CADPS: variants seen among roughly 807,000 people sequenced by gnomAD.
The protein encoded by CADPS is calcium dependent secretion activator, also known as calcium-dependent secretion activator 1.
A neutral mutation model predicts 167.3 loss-of-function variants in CADPS; 57 were observed. The ratio of observed to expected loss-of-function variants is 0.34; its 90% confidence interval spans 0.28 to 0.42. The LOEUF (loss-of-function observed/expected upper bound fraction) is 0.42, where lower values mean the gene tolerates loss of function less well. CADPS is among the 20% of genes least tolerant of loss of function. The probability of loss-of-function intolerance (pLI) is 1.00; values close to 1 mark genes in which losing one functional copy is unlikely to be tolerated. For synonymous variants in CADPS, 676 were observed against 635.3 expected (o/e 1.06, Z -0.96); for missense variants, 1,414 against 1,738.1 (o/e 0.81, Z 3.32).
chr3:62,445,712 G>GAAA lies in CADPS; in HGVS notation c.3669+50_3669+52dup, dbSNP rs369250660. 6.5e-3 allele frequency: 5,684 copies of GAAA among 874,670 alleles called. 5 individuals carry two copies. The highest frequency in any genetic ancestry group is 7.9e-3 in the South Asian group (339 of 42,782). The allele number at this position is 874,670 out of a possible 1,614,324, so 54.2% of individuals were successfully genotyped here. A position where few individuals can be genotyped will look rare whatever the true frequency, so the allele number is the denominator to read the frequency against. On this transcript the variant is annotated intron_variant, in intron 27 of 29. Coordinates refer to ENST00000383710, the MANE Select transcript of CADPS (RefSeq NM_003716.4). Reference sequence around the variant, plus strand: ...TCTCATGAAAACAAAAAGTAAAAATGAAAAAAAAAAAAAACAAAAAAACCC... The same window carrying GAAA: ...TCTCATGAAAACAAAAAGTAAAAATGAAAAAAAAAAAAAAAAACAAAAAAACCC...
At chr3:62,661,460 T>G (rs2073188635) in intron 4 of CADPS, among the ~76,000 whole-genome samples, 1 of 152,024 alleles carries the variant, frequency 6.6e-6, no homozygotes, top group Admixed American at 6.6e-5. Context: ...CCTGGTATAT[T>G]TGGAGGGAGA....
chr3:62,779,395 G>T, intron 1 of CADPS: 1 of 463,390 alleles, frequency 2.2e-6, no homozygotes, highest in Non-Finnish European at 4.2e-6. Flanking sequence ...TTTCAGGAGA[G>T]CTGCCTTTTG....
intron 9 of CADPS, among the ~76,000 whole-genome samples, chr3:62,561,955 G>A (rs1228516002): frequency 6.6e-6 from 1 of 152,212 alleles, no homozygotes; most frequent in Non-Finnish European, 1.5e-5. Context: ...TACGTAGGTA[G>A]TGTGTTTGGT....
intron 8 of CADPS, among the ~76,000 whole-genome samples, chr3:62,578,134 A>C (rs563805553): frequency 1.3e-5 from 2 of 151,638 alleles, no homozygotes; most frequent in African/African-American, 4.8e-5. Flanking sequence ...TTTTAAAGAC[A>C]CGAATAGGTT....
intron 6 of CADPS, among the ~76,000 whole-genome samples, chr3:62,596,363 T>C (rs1325410129): frequency 6.6e-6 from 1 of 151,764 alleles, no homozygotes; most frequent in African/African-American, 2.4e-5. Context: ...GCCCAGCTAA[T>C]TTTTTTGTAT....
At chr3:62,832,990 T>C (rs2075339658) in intron 1 of CADPS, among the ~76,000 whole-genome samples, 2 of 152,234 alleles carry the variant, frequency 1.3e-5, no homozygotes, top group South Asian at 4.1e-4. Context: ...CTCCTCTAGG[T>C]ATGGAATGTT....
At chr3:62,696,218 C>T (rs1457510305) in intron 3 of CADPS, among the ~76,000 whole-genome samples, 1 of 152,026 alleles carries the variant, frequency 6.6e-6, no homozygotes, top group African/African-American at 2.4e-5. Flanking sequence ...GCCAGCTGCT[C>T]CTTGCTGGGT....
At chr3:62,777,922 C>A (rs759600589) in intron 1 of CADPS, among the ~76,000 whole-genome samples, 1 of 152,142 alleles carries the variant, frequency 6.6e-6, no homozygotes, top group Non-Finnish European at 1.5e-5. Context: ...TCATGTCTTA[C>A]GGCAATATGA....
intron 3 of CADPS, among the ~76,000 whole-genome samples, chr3:62,686,319 T>C (rs1415914387): frequency 6.6e-6 from 1 of 151,974 alleles, no homozygotes; most frequent in Non-Finnish European, 1.5e-5. Flanking sequence ...AAACAACAAT[T>C]TAAAAACCCC....
intron 26 of CADPS, among the ~76,000 whole-genome samples, chr3:62,451,768 A>G (rs1043905419): frequency 6.6e-6 from 1 of 152,110 alleles, no homozygotes. Flanking sequence ...AGCAAAATTT[A>G]CTTCAATGTT....
intron 1 of CADPS, among the ~76,000 whole-genome samples, chr3:62,849,325 T>A (rs2078091593): frequency 7.0e-6 from 1 of 143,530 alleles, no homozygotes; most frequent in South Asian, 2.4e-4. Context: ...TGAATAGGAG[T>A]GGTGAGAGAG....
chr3:62,436,198 G>A (rs2055002273), intron 28 of CADPS, among the ~76,000 whole-genome samples: 1 of 152,132 alleles, frequency 6.6e-6, no homozygotes, highest in Non-Finnish European at 1.5e-5. Context: ...AGAGAGGCAA[G>A]GGTGGATTAT....
chr3:62,665,862 C>T (rs1414240111), intron 3 of CADPS, among the ~76,000 whole-genome samples: 1 of 152,192 alleles, frequency 6.6e-6, no homozygotes, highest in Non-Finnish European at 1.5e-5. Context: ...CTGAGGTTGT[C>T]ATGAGAATCA....
intron 6 of CADPS, among the ~76,000 whole-genome samples, chr3:62,615,023 G>A (rs749740875): frequency 6.6e-6 from 1 of 152,308 alleles, no homozygotes; most frequent in Non-Finnish European, 1.5e-5. Flanking sequence ...ATGTGATTTA[G>A]GATGAAAATT....
chr3:62,690,328 C>T (rs1416151794), intron 3 of CADPS, among the ~76,000 whole-genome samples: 3 of 152,026 alleles, frequency 2.0e-5, no homozygotes, highest in African/African-American at 2.4e-5. Flanking sequence ...CAAGATGATG[C>T]ATGGTCATAT....
At chr3:62,709,612 G>A (rs1462456883) in intron 3 of CADPS, among the ~76,000 whole-genome samples, 1 of 151,936 alleles carries the variant, frequency 6.6e-6, no homozygotes, top group Non-Finnish European at 1.5e-5. Flanking sequence ...CTTATTTACT[G>A]TTCCCTTAAG....
Position 62,480,331 on chromosome 3 carries a change from T to C in CADPS, c.3173+1392A>G, listed in dbSNP as rs796723166. Among the ~76,000 whole-genome samples, 8 of 152,350 alleles carry C rather than the reference T, an allele frequency of 5.3e-5. 1 individual carries two copies. The highest frequency in any genetic ancestry group is 1.9e-4 in the African/African-American group (8 of 41,586). On this transcript the variant is annotated intron_variant, in intron 22 of 29. Transcript: ENST00000383710. The stretch of plus-strand genomic sequence containing the variant: ...GATAAGAGAAGCTTTCTGATATTTT[T>C]AAATTTTTCACAGATACTACCTAAT...
At chr3:62,626,334 G>A (rs1264506624) in intron 6 of CADPS, 5 of 467,220 alleles carry the variant, frequency 1.1e-5, no homozygotes, top group Non-Finnish European at 1.9e-5. Context: ...TTTGCAAGCT[G>A]GCACGGATTT....
intron 3 of CADPS, among the ~76,000 whole-genome samples, chr3:62,663,138 G>A (rs1329321507): frequency 3.3e-5 from 5 of 152,110 alleles, no homozygotes; most frequent in Non-Finnish European, 7.3e-5. Context: ...AGACATTTCT[G>A]TAAAGGGACC....
Sources: gnomAD v4.1 joint callset for allele counts (sites outside exome capture counted in the v4.1 genomes callset) on GRCh38, gnomAD v4.1.1 for gene constraint, MANE v1.5 for transcripts, NCBI Gene and HGNC (gene_info 2026-07-23, HGNC 2026-07-21) for gene names.